The following NMBR variants were observed in gnomAD, a reference collection of about 807,000 sequenced individuals.
NMBR encodes neuromedin-B receptor.
Under a neutral mutation model 20.5 loss-of-function variants are expected in NMBR, and 16 were observed. The observed-to-expected ratio is 0.78, with a 90% CI of 0.53 to 1.19. The LOEUF (loss-of-function observed/expected upper bound fraction) is 1.19. Among genes scored for constraint, NMBR ranks in the 50% most tolerant of loss-of-function variants. NMBR has a pLI of 0.00. For synonymous variants in NMBR, 212 were observed against 196.6 expected, an observed-to-expected ratio of 1.08 and a Z score of -0.65; for missense variants, 582 against 499.1, an observed-to-expected ratio of 1.17 and a Z score of -1.58.
At chr6:142,098,475 G>T (rs1431048923) in intron 1 of NMBR, among the ~76,000 whole-genome samples, 5 of 152,080 alleles carry the variant, frequency 3.3e-5, no homozygotes, top group African/African-American at 1.2e-4. Context: ...AGTAACCATG[G>T]AGAGGTTGCC....
At chr6:142,146,584 C>T (rs1004084426) in intron 1 of NMBR, among the ~76,000 whole-genome samples, 5 of 151,840 alleles carry the variant, frequency 3.3e-5, no homozygotes, top group African/African-American at 9.7e-5. Context: ...TATGAAAATA[C>T]TTTACAAATT....
At chr6:142,140,296 T>A (rs1486721267) in intron 1 of NMBR, among the ~76,000 whole-genome samples, 2 of 152,134 alleles carry the variant, frequency 1.3e-5, no homozygotes, top group African/African-American at 4.8e-5. Flanking sequence ...TGTAGAAGTA[T>A]ACTATTATAA....
chr6:142,110,231 C>T (rs1284025917), intron 1 of NMBR, among the ~76,000 whole-genome samples: 2 of 152,074 alleles, frequency 1.3e-5, no homozygotes, highest in Non-Finnish European at 1.5e-5. Flanking sequence ...GGTATATACT[C>T]AACACAATTA....
chr6:142,143,412 G>A (rs1281893399), intron 1 of NMBR, among the ~76,000 whole-genome samples: 3 of 152,174 alleles, frequency 2.0e-5, no homozygotes, highest in East Asian at 1.9e-4. Context: ...AGTATCCCAA[G>A]TAGCTGGGAT....
rs569268426 is a variant in NMBR, at chr6:142,104,276, A to C, written c.-663-14955T>G. Among the ~76,000 whole-genome samples, 86 of 152,354 alleles carry C rather than the reference A, an allele frequency of 5.6e-4. 1 individual carries two copies. Among genetic ancestry groups the C allele is most frequent in the African/African-American group, 2.0e-3 (85 of 41,580 alleles). On this transcript the variant is annotated intron_variant, in intron 1 of 3. Coordinates refer to ENST00000258042, the MANE Select transcript of NMBR (RefSeq NM_002511.4). ...AATTATGGTTGATAGCACATAGCTAAACATATTAGAATTTTAGAAATTTTA... is the reference window on the plus strand; with the variant it reads ...AATTATGGTTGATAGCACATAGCTACACATATTAGAATTTTAGAAATTTTA...
intron 1 of NMBR, among the ~76,000 whole-genome samples, chr6:142,130,921 A>C (rs1778129916): frequency 6.6e-6 from 1 of 152,130 alleles, no homozygotes; most frequent in Non-Finnish European, 1.5e-5. Flanking sequence ...TTAATCATGG[A>C]ATGTTCCCTG....
chr6:142,078,956 A>G, intron 2 of NMBR, 53 bp from the exon 3 acceptor site: 1 of 1,219,804 alleles, frequency 8.2e-7, no homozygotes, highest in Non-Finnish European at 1.1e-6. Flanking sequence ...AAGAAAAAAG[A>G]GAAAGAAAAG....
chr6:142,101,895 T>A (rs906117201), intron 1 of NMBR, among the ~76,000 whole-genome samples: 6 of 152,060 alleles, frequency 3.9e-5, no homozygotes, highest in Non-Finnish European at 5.9e-5. Context: ...CTCTTGTCAA[T>A]CCAGTTGAAG....
At chr6:142,076,173 A>G in intron 3 of NMBR, 124 bp from the exon 4 acceptor site, 3 of 700,530 alleles carry the variant, frequency 4.3e-6, no homozygotes, top group Non-Finnish European at 6.8e-6. Flanking sequence ...TACATAAATT[A>G]TTTATTTTCC....
chr6:142,107,064 C>T (rs1043784554), intron 1 of NMBR, among the ~76,000 whole-genome samples: 2 of 152,160 alleles, frequency 1.3e-5, no homozygotes, highest in Non-Finnish European at 2.9e-5. Context: ...GCTAGAATTA[C>T]GAGTTCAGGG....
chr6:142,097,909 C>T (rs1160069182), intron 1 of NMBR, among the ~76,000 whole-genome samples: 3 of 151,722 alleles, frequency 2.0e-5, no homozygotes, highest in Non-Finnish European at 4.4e-5. Context: ...TAAAAATAAA[C>T]TTCATAAAAT....
At chr6:142,132,014 A>G (rs1778151710) in intron 1 of NMBR, among the ~76,000 whole-genome samples, 3 of 152,226 alleles carry the variant, frequency 2.0e-5, no homozygotes, top group African/African-American at 2.4e-5. Flanking sequence ...GGGAATATAC[A>G]CAAATATCTC....
At chr6:142,108,514 C>T (rs1254589400) in intron 1 of NMBR, among the ~76,000 whole-genome samples, 2 of 152,136 alleles carry the variant, frequency 1.3e-5, no homozygotes, top group African/African-American at 4.8e-5. Flanking sequence ...AGGAAGCAAA[C>T]ACATCCTTCT....
intron 1 of NMBR, among the ~76,000 whole-genome samples, chr6:142,102,496 A>G (rs367947285): frequency 1.6e-4 from 24 of 152,328 alleles, no homozygotes; most frequent in South Asian, 1.0e-3. Context: ...ATGGGAAACA[A>G]GAAGTACAAG....
intron 1 of NMBR, among the ~76,000 whole-genome samples, chr6:142,124,558 C>T (rs981981499): frequency 6.6e-6 from 1 of 151,822 alleles, no homozygotes; most frequent in Non-Finnish European, 1.5e-5. Flanking sequence ...AAAATGCACT[C>T]TCAAGTCTTC....
chr6:142,078,309 T>G (rs1776992407), intron 3 of NMBR, among the ~76,000 whole-genome samples: 2 of 152,212 alleles, frequency 1.3e-5, no homozygotes, highest in South Asian at 4.1e-4. Flanking sequence ...ATACATTAAT[T>G]TCTAATGGTG....
intron 1 of NMBR, among the ~76,000 whole-genome samples, chr6:142,107,225 C>G (rs1582850113): frequency 6.6e-6 from 1 of 152,096 alleles, no homozygotes; most frequent in Non-Finnish European, 1.5e-5. Context: ...TGAGACTTGA[C>G]CCACTCTCTT....
chr6:142,125,731 A>G (rs373275714), intron 1 of NMBR, among the ~76,000 whole-genome samples: 24 of 152,016 alleles, frequency 1.6e-4, no homozygotes, highest in Admixed American at 1.2e-3. Context: ...ATCATGGTAT[A>G]CCTAACAAAT....
At chr6:142,094,480 T>A (rs1481109064) in intron 1 of NMBR, among the ~76,000 whole-genome samples, 7 of 152,188 alleles carry the variant, frequency 4.6e-5, no homozygotes, top group Non-Finnish European at 8.8e-5. Context: ...GCATTATTTC[T>A]GAAGGCTCTG....
Sources: allele counts gnomAD v4.1 joint callset (sites outside exome capture counted in the v4.1 genomes callset), GRCh38; gene constraint gnomAD v4.1.1; transcripts MANE v1.5; gene names NCBI Gene and HGNC (gene_info 2026-07-23, HGNC 2026-07-21).